CLDN16: variants seen among roughly 807,000 people sequenced by gnomAD.
The protein encoded by CLDN16 is claudin-16.
CLDN16 carries 13 observed loss-of-function variants against 24.6 expected under a neutral mutation model. That is an observed-to-expected ratio of 0.53 (90% CI 0.34 to 0.84). The LOEUF is 0.84. Ranked by LOEUF, CLDN16 falls within the 40% of genes least tolerant of loss-of-function variation. CLDN16 has a pLI of 0.01. For missense variants in CLDN16, 298 were observed against 292.7 expected (o/e 1.02, Z -0.13); for synonymous variants, 116 against 106.7 (o/e 1.09, Z -0.54).
At chr3:190,385,482 C>A (rs1169603603), upstream of CLDN16, among the ~76,000 whole-genome samples, 3 of 152,060 alleles carry the variant, frequency 2.0e-5, no homozygotes, top group South Asian at 6.2e-4. Context: ...AATTCAGGAA[C>A]AATTCTATAG....
intron 1 of CLDN16, among the ~76,000 whole-genome samples, chr3:190,342,720 T>C (rs1307503777): frequency 6.6e-6 from 1 of 152,230 alleles, no homozygotes; most frequent in Admixed American, 6.5e-5. Flanking sequence ...GGGAAAAAGA[T>C]AGTGTTTTCA....
At chr3:190,327,138 A>G (rs1470981274) in intron 1 of CLDN16, among the ~76,000 whole-genome samples, 1 of 152,154 alleles carries the variant, frequency 6.6e-6, no homozygotes, top group South Asian at 2.1e-4. Flanking sequence ...CAAATTCAAC[A>G]TTCGTAAAGT....
chr3:190,408,906 G>A lies in CLDN16; in HGVS notation c.574+401G>A, dbSNP rs73892708. ...TGTATATATACCCTTGTATATATAC[G>A]TATACATAGTACATATGTATACACA... On this transcript the variant is annotated intron_variant, in intron 4 of 4. Coordinates refer to ENST00000264734, the MANE Select transcript of CLDN16 (RefSeq NM_006580.4). 6.1e-3 allele frequency among the ~76,000 whole-genome samples: 897 copies of A among 146,738 alleles called. 16 individuals carry two copies. Among genetic ancestry groups the A allele is most frequent in the African/African-American group, 0.02 (817 of 40,012 alleles).
At chr3:190,317,178 T>C in the CLDN16 span, among the ~76,000 whole-genome samples, 1 of 152,200 alleles carries the variant, frequency 6.6e-6, no homozygotes, top group Non-Finnish European at 1.5e-5. Flanking sequence ...AACAAACATA[T>C]TCCTTTTCTC....
intron 1 of CLDN16, among the ~76,000 whole-genome samples, chr3:190,329,582 GC>G (rs1302026710): frequency 2.0e-5 from 3 of 152,138 alleles, no homozygotes; most frequent in African/African-American, 7.2e-5. Flanking sequence ...ATGCAATTTG[GC>G]TGTATTGTCT....
chr3:190,375,021 T>C (rs543661732), intron 3 of CLDN16, among the ~76,000 whole-genome samples: 36 of 152,052 alleles, frequency 2.4e-4, no homozygotes, highest in African/African-American at 8.4e-4. Flanking sequence ...AAAAGAGGCA[T>C]ATACTTATAA....
intron 1 of CLDN16, among the ~76,000 whole-genome samples, chr3:190,322,814 G>A (rs567987321): frequency 6.6e-6 from 1 of 152,246 alleles, no homozygotes; most frequent in East Asian, 1.9e-4. Flanking sequence ...TTATTAAAAG[G>A]CATTTCTACC....
upstream of CLDN16, chr3:190,322,333 C>T: frequency 2.4e-6 from 2 of 844,974 alleles, no homozygotes; most frequent in Non-Finnish European, 3.8e-6. Context: ...GGGAGCCCTG[C>T]TCGCTGCGCC....
intron 3 of CLDN16, among the ~76,000 whole-genome samples, chr3:190,406,804 T>G (rs1009582501): frequency 4.1e-5 from 6 of 145,910 alleles, no homozygotes; most frequent in African/African-American, 1.0e-4. Flanking sequence ...TGCAGTGGCG[T>G]GATCTCGGCT....
chr3:190,345,481 C>T (rs1717531605), intron 1 of CLDN16, among the ~76,000 whole-genome samples: 1 of 152,154 alleles, frequency 6.6e-6, no homozygotes, highest in African/African-American at 2.4e-5. Context: ...CTCATCTCAT[C>T]ACTATTATTT....
At chr3:190,371,039 T>TATATATATATATATAA (rs1162902114) in intron 2 of CLDN16, 1 of 2,982 alleles carries the variant, frequency 3.4e-4, no homozygotes, top group Non-Finnish European at 1.3e-3. Flanking sequence ...TATATATATA[T>TATATATATATATATAA]AAAATATATA....
At chr3:190,396,424 T>G (rs1372656343) in intron 1 of CLDN16, among the ~76,000 whole-genome samples, 1 of 152,154 alleles carries the variant, frequency 6.6e-6, no homozygotes, top group Non-Finnish European at 1.5e-5. Flanking sequence ...ACTGTGCATA[T>G]AATAACCATT....
chr3:190,366,078 T>A (rs1718016067), intron 1 of CLDN16, among the ~76,000 whole-genome samples: 1 of 151,896 alleles, frequency 6.6e-6, no homozygotes, highest in South Asian at 2.1e-4. Context: ...AGATCCTACT[T>A]CTCAATCAAT....
chr3:190,363,883 T>C (rs1717961697), intron 1 of CLDN16, among the ~76,000 whole-genome samples: 1 of 149,740 alleles, frequency 6.7e-6, no homozygotes, highest in African/African-American at 2.5e-5. Flanking sequence ...AGACTTCTGA[T>C]CATTTTCCAC....
At chr3:190,296,751 C>A in the CLDN16 span, among the ~76,000 whole-genome samples, 4 of 151,734 alleles carry the variant, frequency 2.6e-5, no homozygotes, top group Non-Finnish European at 5.9e-5. Flanking sequence ...GGGGTTTCAC[C>A]GTGTTAGCCA....
At chr3:190,345,954 A>C (rs1717541610) in intron 1 of CLDN16, among the ~76,000 whole-genome samples, 1 of 152,136 alleles carries the variant, frequency 6.6e-6, no homozygotes, top group Admixed American at 6.5e-5. Flanking sequence ...AGCATATGCC[A>C]GGGACTGGAC....
chr3:190,362,977 CT>C (rs1186089211), intron 1 of CLDN16, among the ~76,000 whole-genome samples: 3 of 151,942 alleles, frequency 2.0e-5, no homozygotes, highest in Admixed American at 6.6e-5. Flanking sequence ...GTTTATTGAA[CT>C]TGCATATGTG....
rs762220084 is a variant in CLDN16, at chr3:190,408,333, C to T, written c.402C>T (p.Gly134=). The change falls in exon 4 of 5, where the codon GGC becomes GGT. Residue 134 remains glycine (G), a synonymous_variant. Transcript: ENST00000264734. ...LLIAGTPGII[G]SVWYAVDVYV... is the part of the protein sequence containing the mutation. Reference sequence around the variant, plus strand: ...TTTCAGGTACCCCAGGAATCATTGGCTCTGTGTGGTATGCTGTTGATGTGT... The same window carrying T: ...TTTCAGGTACCCCAGGAATCATTGGTTCTGTGTGGTATGCTGTTGATGTGT... 2.7e-5 allele frequency: 44 copies of T among 1,613,862 alleles called. 1 individual carries two copies. Among genetic ancestry groups the T allele is most frequent in the East Asian group, 2.7e-4 (12 of 44,890 alleles).
chr3:190,306,217 C>T, the CLDN16 span: 10 of 152,204 alleles, frequency 6.6e-5, no homozygotes, highest in Non-Finnish European at 1.5e-4. Flanking sequence ...GATTTACCAA[C>T]ACGTAGGCTT....
Sources: gnomAD v4.1 joint callset for allele counts (sites outside exome capture counted in the v4.1 genomes callset) on GRCh38, gnomAD v4.1.1 for gene constraint, MANE v1.5 for transcripts, NCBI Gene and HGNC (gene_info 2026-07-23, HGNC 2026-07-21) for gene names.